DLGAP2: variants seen among roughly 807,000 people sequenced by gnomAD.
DLGAP2 encodes DLG associated protein 2.
A neutral mutation model predicts 100.3 loss-of-function variants in DLGAP2; 26 were observed. That is an observed-to-expected ratio of 0.26 (90% CI 0.19 to 0.36). The LOEUF (loss-of-function observed/expected upper bound fraction) is 0.36, where lower values mean the gene tolerates loss of function less well. Ranked by LOEUF, DLGAP2 falls within the 10% of genes least tolerant of loss-of-function variation. The pLI is 1.00. For missense variants in DLGAP2, 1,858 were observed against 1,453.2 expected (o/e 1.28, Z -4.53); for synonymous variants, 886 against 630.1 (o/e 1.41, Z -6.08).
intron 2 of DLGAP2, among the ~76,000 whole-genome samples, chr8:1,092,056 C>T (rs1343432706): frequency 6.6e-6 from 1 of 152,182 alleles, no homozygotes; most frequent in Non-Finnish European, 1.5e-5. Flanking sequence ...TGCACTCCAG[C>T]CGTGCAGCCT....
chr8:1,485,554 C>A (rs1320192508), intron 3 of DLGAP2, among the ~76,000 whole-genome samples: 2 of 152,216 alleles, frequency 1.3e-5, no homozygotes, highest in Admixed American at 6.5e-5. Flanking sequence ...TCCCACGTTG[C>A]GTCCATGTGA....
chr8:903,193 A>T (rs1011346764), intron 1 of DLGAP2, among the ~76,000 whole-genome samples: 1 of 151,894 alleles, frequency 6.6e-6, no homozygotes, highest in African/African-American at 2.4e-5. Context: ...TGCTTTCTGG[A>T]GGCAGTCACA....
intron 1 of DLGAP2, among the ~76,000 whole-genome samples, chr8:777,043 G>A (rs575077248): frequency 6.6e-6 from 1 of 152,048 alleles, no homozygotes; most frequent in South Asian, 2.1e-4. Context: ...CCTGTATTGG[G>A]TGCATATATA....
chr8:805,226 G>T (rs754627654), intron 1 of DLGAP2, among the ~76,000 whole-genome samples: 2 of 152,168 alleles, frequency 1.3e-5, no homozygotes, highest in African/African-American at 2.4e-5. Flanking sequence ...TCTGTCAGTG[G>T]TGATTAGGAT....
intron 6 of DLGAP2, chr8:1,620,030 G>A (rs1797276291): frequency 6.6e-6 from 1 of 152,126 alleles, no homozygotes; most frequent in Non-Finnish European, 1.5e-5. Flanking sequence ...AAAAATAAAT[G>A]TTCACGTTGC....
intron 2 of DLGAP2, among the ~76,000 whole-genome samples, chr8:951,309 G>A (rs1317424979): frequency 6.6e-6 from 1 of 151,238 alleles, no homozygotes; most frequent in African/African-American, 2.4e-5. Context: ...GCAGTGGTGT[G>A]ATCTCGGCTC....
intron 3 of DLGAP2, chr8:1,369,599 C>G (rs1262266391): frequency 6.6e-6 from 1 of 152,214 alleles, no homozygotes. Flanking sequence ...ACAGGACGTC[C>G]CATTCTGCTA....
At chr8:1,690,502 C>T (rs926077062) in intron 12 of DLGAP2, among the ~76,000 whole-genome samples, 4 of 150,446 alleles carry the variant, frequency 2.7e-5, no homozygotes, top group Non-Finnish European at 4.4e-5. Context: ...GTCGGGAGTT[C>T]GAGACCAGCC....
intron 2 of DLGAP2, among the ~76,000 whole-genome samples, chr8:1,192,714 C>T (rs529292678): frequency 6.6e-6 from 1 of 150,682 alleles, no homozygotes; most frequent in African/African-American, 2.4e-5. Context: ...GGTACGTGTG[C>T]ACAATGTGCA....
At chr8:1,664,586 C>G (rs915160204) in intron 8 of DLGAP2, among the ~76,000 whole-genome samples, 2 of 152,194 alleles carry the variant, frequency 1.3e-5, no homozygotes, top group African/African-American at 4.8e-5. Context: ...CGTCGGTGCC[C>G]AACGTGGAAG....
intron 8 of DLGAP2, among the ~76,000 whole-genome samples, chr8:1,657,093 A>AT (rs999093495): frequency 2.0e-4 from 30 of 150,534 alleles, no homozygotes; most frequent in Middle Eastern, 3.5e-3. Flanking sequence ...TGGAATAGGT[A>AT]TTTTTTTTTT....
At chr8:1,591,477 T>C (rs1285768021) in intron 6 of DLGAP2, among the ~76,000 whole-genome samples, 2 of 152,062 alleles carry the variant, frequency 1.3e-5, no homozygotes, top group Non-Finnish European at 2.9e-5. Flanking sequence ...GGTCTTCCCC[T>C]CCTTTCTTTT....
intron 3 of DLGAP2, among the ~76,000 whole-genome samples, chr8:1,366,746 T>G (rs910917364): frequency 6.6e-6 from 1 of 152,092 alleles, no homozygotes; most frequent in African/African-American, 2.4e-5. Flanking sequence ...GCAGGCATCA[T>G]CCAGGAGGCT....
chr8:1,244,076 T>G (rs1375580513), intron 2 of DLGAP2, among the ~76,000 whole-genome samples: 2 of 152,094 alleles, frequency 1.3e-5, no homozygotes, highest in African/African-American at 4.8e-5. Flanking sequence ...GGATGGTGGG[T>G]GTCAGCTCTC....
intron 3 of DLGAP2, among the ~76,000 whole-genome samples, chr8:1,437,813 C>CAAAAAAAAAAA (rs59165125): frequency 2.1e-3 from 180 of 84,650 alleles, no homozygotes; most frequent in Non-Finnish European, 2.8e-3. Context: ...ACTAAAAATA[C>CAAAAAAAAAAA]AAAAAAAAAA....
intron 2 of DLGAP2, chr8:1,002,324 G>A (rs1312436739): frequency 6.6e-6 from 1 of 152,224 alleles, no homozygotes; most frequent in African/African-American, 2.4e-5. Flanking sequence ...AAGGGAAAGA[G>A]ATCTTCCTGA....
intron 2 of DLGAP2, among the ~76,000 whole-genome samples, chr8:1,237,441 G>A (rs200576364): frequency 2.2e-5 from 3 of 136,978 alleles, no homozygotes; most frequent in Admixed American, 7.2e-5. Context: ...TCTCTCACAT[G>A]GCGCCGTGTC....
At chr8:1,559,286 G>T (rs1802078929) in intron 5 of DLGAP2, among the ~76,000 whole-genome samples, 1 of 152,214 alleles carries the variant, frequency 6.6e-6, no homozygotes, top group Non-Finnish European at 1.5e-5. Flanking sequence ...CTTCACTGAA[G>T]GCCATAAAGC....
chr8:1,591,269 G>C (rs913777693), intron 6 of DLGAP2, among the ~76,000 whole-genome samples: 1 of 150,072 alleles, frequency 6.7e-6, no homozygotes, highest in African/African-American at 2.4e-5. Context: ...GGAGGTTAGA[G>C]CATGGGGGTC....
Sources: allele counts gnomAD v4.1 joint callset (sites outside exome capture counted in the v4.1 genomes callset), GRCh38; gene constraint gnomAD v4.1.1; transcripts MANE v1.5; gene names NCBI Gene and HGNC (gene_info 2026-07-23, HGNC 2026-07-21).